TDP1: variants seen among roughly 807,000 people sequenced by gnomAD.
TDP1 encodes tyr-DNA phosphodiesterase 1.
TDP1 carries 64 observed loss-of-function variants against 81.5 expected under a neutral mutation model. That is an observed-to-expected ratio of 0.79 (90% CI 0.64 to 0.97). TDP1 has a LOEUF of 0.97. Among genes scored for constraint, TDP1 ranks in the 50% least tolerant of loss-of-function variants. The pLI is 0.00. For synonymous variants in TDP1, 256 were observed against 264.3 expected, an observed-to-expected ratio of 0.97 and a Z score of 0.30; for missense variants, 723 against 743.8, an observed-to-expected ratio of 0.97 and a Z score of 0.33.
chr14:89,974,709 T>C (rs1005759018), intron 6 of TDP1, among the ~76,000 whole-genome samples: 6 of 152,212 alleles, frequency 3.9e-5, no homozygotes, highest in Non-Finnish European at 8.8e-5. Flanking sequence ...GATCTCAGAA[T>C]GGTACCGTTT....
chr14:89,980,423 TG>T, intron 7 of TDP1, 116 bp from the exon 8 acceptor site: 1 of 1,405,020 alleles, frequency 7.1e-7, no homozygotes, highest in Non-Finnish European at 9.8e-7. Context: ...ATGTTAAGTT[TG>T]GGTAATATGA....
At chr14:90,000,909 G>A (rs1005024629) in intron 14 of TDP1, among the ~76,000 whole-genome samples, 30 of 152,282 alleles carry the variant, frequency 2.0e-4, no homozygotes, top group African/African-American at 6.7e-4. Context: ...GACCAACCCC[G>A]CAGCATGACT....
intron 10 of TDP1, among the ~76,000 whole-genome samples, chr14:89,986,813 G>A (rs1895619136): frequency 6.6e-6 from 1 of 152,192 alleles, no homozygotes; most frequent in African/African-American, 2.4e-5. Context: ...AAGTGTATGT[G>A]TAAGTATTAA....
upstream of TDP1, chr14:89,955,599 C>G (rs1411570171): frequency 6.6e-6 from 1 of 152,294 alleles, no homozygotes; most frequent in East Asian, 1.9e-4. Context: ...TTAACCTAAG[C>G]GTATCCTCTC....
chr14:90,030,739 G>T (rs550963592), intron 15 of TDP1, among the ~76,000 whole-genome samples: 10 of 151,886 alleles, frequency 6.6e-5, no homozygotes, highest in Admixed American at 1.3e-4. Flanking sequence ...AAATGGTAAT[G>T]TCTCCAGAAG....
chr14:89,980,245 A>C, intron 7 of TDP1: 1 of 985,436 alleles, frequency 1.0e-6, no homozygotes, highest in Non-Finnish European at 1.2e-6. Flanking sequence ...AGTAACAGGT[A>C]ATGCTGAATA....
At chr14:90,018,279 G>C (rs1885553602) in intron 14 of TDP1, among the ~76,000 whole-genome samples, 1 of 152,110 alleles carries the variant, frequency 6.6e-6, no homozygotes, top group Non-Finnish European at 1.5e-5. Flanking sequence ...AATAGAACTT[G>C]GGTGAGCCTA....
intron 15 of TDP1, among the ~76,000 whole-genome samples, chr14:90,025,031 G>A (rs1044763978): frequency 6.6e-6 from 1 of 152,184 alleles, no homozygotes; most frequent in African/African-American, 2.4e-5. Flanking sequence ...ACATGTCTGA[G>A]GTATCAGCAG....
intron 14 of TDP1, among the ~76,000 whole-genome samples, chr14:90,003,086 T>C (rs889545614): frequency 8.5e-5 from 13 of 152,076 alleles, no homozygotes; most frequent in Non-Finnish European, 1.5e-4. Flanking sequence ...TACAGGCGCA[T>C]GCCACCATGC....
intron 5 of TDP1, among the ~76,000 whole-genome samples, chr14:89,968,612 T>C (rs2139988294): frequency 6.6e-6 from 1 of 152,354 alleles, no homozygotes; most frequent in East Asian, 1.9e-4. Context: ...TAGCACACCT[T>C]TTCCTGAATT....
chr14:89,983,526 C>A (rs930549081), intron 8 of TDP1, among the ~76,000 whole-genome samples: 1 of 152,208 alleles, frequency 6.6e-6, no homozygotes, highest in African/African-American at 2.4e-5. Flanking sequence ...TGGGCAGTTT[C>A]TCTTTCAGCT....
chr14:89,993,498 C>T lies in TDP1; in HGVS notation c.1541+15C>T. 1.2e-6 allele frequency: 2 copies of T among 1,610,932 alleles called. No homozygotes were observed. Among genetic ancestry groups the T allele is most frequent in the Non-Finnish European group, 1.7e-6 (2 of 1,177,628 alleles). On this transcript the variant is annotated intron_variant, in intron 14 of 16. Coordinates refer to ENST00000335725, the MANE Select transcript of TDP1 (RefSeq NM_018319.4). ...CTTGTCACAAGGTAAATAGTCCTTACATTCCTGATGGGAGAAATCTTTTTA... is the reference window on the plus strand; with the variant it reads ...CTTGTCACAAGGTAAATAGTCCTTATATTCCTGATGGGAGAAATCTTTTTA...
At chr14:90,015,201 CAT>C (rs1327147562) in intron 14 of TDP1, among the ~76,000 whole-genome samples, 7 of 152,188 alleles carry the variant, frequency 4.6e-5, no homozygotes, top group Admixed American at 2.6e-4. Flanking sequence ...GAAGCTGAGA[CAT>C]AAACTGCTCC....
At chr14:89,964,303 G>A (rs1892681124) in intron 3 of TDP1, among the ~76,000 whole-genome samples, 1 of 152,224 alleles carries the variant, frequency 6.6e-6, no homozygotes, top group South Asian at 2.1e-4. Context: ...TCCTCAGGGA[G>A]CACCTGCAGG....
intron 2 of TDP1, among the ~76,000 whole-genome samples, chr14:89,960,926 G>T (rs1404250098): frequency 6.6e-6 from 1 of 152,112 alleles, no homozygotes; most frequent in Non-Finnish European, 1.5e-5. Context: ...AGAAAGGAGA[G>T]CTTAGTTCTT....
At chr14:89,988,485 A>G (rs1391810132) in intron 10 of TDP1, 1 of 546,858 alleles carries the variant, frequency 1.8e-6, no homozygotes, top group Non-Finnish European at 2.3e-6. Context: ...CAAGGATTTT[A>G]GTAGTTGCAT....
intron 16 of TDP1, chr14:90,033,677 T>C (rs901312128): frequency 4.9e-6 from 1 of 202,286 alleles, no homozygotes; most frequent in Non-Finnish European, 1.0e-5. Flanking sequence ...ACTGAATGCG[T>C]ATCACTTTCA....
intron 15 of TDP1, among the ~76,000 whole-genome samples, chr14:90,020,993 A>G (rs917386940): frequency 1.3e-5 from 2 of 151,572 alleles, no homozygotes; most frequent in African/African-American, 4.9e-5. Context: ...ACGGGGTTTC[A>G]CCATGTTGGC....
chr14:90,009,057 A>G (rs1273496444), intron 14 of TDP1, among the ~76,000 whole-genome samples: 1 of 152,248 alleles, frequency 6.6e-6, no homozygotes, highest in African/African-American at 2.4e-5. Flanking sequence ...TAATTGGTCA[A>G]TCATCTGAAG....
Sources: allele counts gnomAD v4.1 joint callset (sites outside exome capture counted in the v4.1 genomes callset), GRCh38; gene constraint gnomAD v4.1.1; transcripts MANE v1.5; gene names NCBI Gene and HGNC (gene_info 2026-07-23, HGNC 2026-07-21).